The following PLD5 variants were observed in gnomAD, a reference collection of about 807,000 sequenced individuals.
PLD5 encodes the protein inactive phospholipase D5.
PLD5 carries 36 observed loss-of-function variants against 61.1 expected under a neutral mutation model. The observed-to-expected ratio is 0.59, with a 90% CI of 0.45 to 0.78. The LOEUF (loss-of-function observed/expected upper bound fraction) is 0.78, where lower values mean the gene tolerates loss of function less well. Ranked by LOEUF, PLD5 falls within the 30% of genes least tolerant of loss-of-function variation. The probability of loss-of-function intolerance (pLI) is 0.00; values close to 1 mark genes in which losing one functional copy is unlikely to be tolerated. For missense variants in PLD5, 515 were observed against 644.4 expected, an observed-to-expected ratio of 0.80 and a Z score of 2.17; for synonymous variants, 243 against 242.8, an observed-to-expected ratio of 1.00 and a Z score of -0.01.
At chr1:242,517,843 A>G (rs533895195) in intron 1 of PLD5, among the ~76,000 whole-genome samples, 39 of 152,314 alleles carry the variant, frequency 2.6e-4, no homozygotes, top group African/African-American at 9.1e-4. Flanking sequence ...TATCTTTCAC[A>G]TGAAAGACAC....
At chr1:242,348,834 C>T (rs996713723) in intron 1 of PLD5, among the ~76,000 whole-genome samples, 1 of 152,256 alleles carries the variant, frequency 6.6e-6, no homozygotes, top group Non-Finnish European at 1.5e-5. Flanking sequence ...GCGGGCAGAT[C>T]ATGAGGTCAG....
intron 5 of PLD5, among the ~76,000 whole-genome samples, chr1:242,175,901 G>A (rs953081746): frequency 3.9e-5 from 6 of 152,108 alleles, no homozygotes; most frequent in Non-Finnish European, 8.8e-5. Context: ...CCTCTTCAAG[G>A]AGAACTACAA....
At chr1:242,267,994 G>T (rs1160519505) in intron 3 of PLD5, among the ~76,000 whole-genome samples, 1 of 152,058 alleles carries the variant, frequency 6.6e-6, no homozygotes, top group Non-Finnish European at 1.5e-5. Flanking sequence ...GTGCTGATTT[G>T]CAGATTTTAG....
Position 242,408,978 on chromosome 1 carries a change from A to C in PLD5, c.190-60736T>G, listed in dbSNP as rs1461606575. Among the ~76,000 whole-genome samples, 7 of 152,184 alleles carry C rather than the reference A, an allele frequency of 4.6e-5. No homozygotes were observed. In the East Asian group the frequency reaches 1.4e-3, roughly 29 times the overall value. ...GCTACTCGGGAGGCTGAGGCAGGAGAATCACTTGAACCCAGGAGGCGAAGG... is the reference window on the plus strand; with the variant it reads ...GCTACTCGGGAGGCTGAGGCAGGAGCATCACTTGAACCCAGGAGGCGAAGG... On this transcript the variant is annotated intron_variant, in intron 1 of 9. Coordinates refer to ENST00000536534, the MANE Select transcript of PLD5 (RefSeq NM_001372062.1).
In PLD5 at chr1:242,381,059, A is replaced by G. The variant is rs576728869; in HGVS notation, c.190-32817T>C. 2.0e-5 allele frequency among the ~76,000 whole-genome samples: 3 copies of G among 152,326 alleles called. No individual in the cohort carries two copies. The South Asian group carries it at 6.2e-4, about 32-fold the overall frequency. On this transcript the variant is annotated intron_variant, in intron 1 of 9. Coordinates refer to ENST00000536534, the MANE Select transcript of PLD5 (RefSeq NM_001372062.1). ...AATCCCATTACTGGGTATATACTCA[A>G]AGGAATATAAATCATTCTATTATAA... is the stretch of plus-strand genomic sequence containing the variant.
At chr1:242,318,635 C>T (rs1847095) in intron 2 of PLD5, among the ~76,000 whole-genome samples, 115,940 of 148,040 alleles carry the variant, frequency 0.78, 45,402 homozygotes, top group Non-Finnish European at 0.85. Context: ...GATTTTATAA[C>T]TTTTTGGGGC....
chr1:242,325,746 T>C (rs1056019618), intron 2 of PLD5, among the ~76,000 whole-genome samples: 10 of 151,156 alleles, frequency 6.6e-5, no homozygotes, highest in African/African-American at 1.5e-4. Context: ...GTAATGAGAA[T>C]AGGCAGAAGA....
At chr1:242,300,756 AAGGGTTGCAGCGGGAG>A (rs1675992556) in intron 2 of PLD5, among the ~76,000 whole-genome samples, 1 of 5,242 alleles carries the variant, frequency 1.9e-4, no homozygotes, top group East Asian at 0.025. Context: ...GCAGCGGGAC[AAGGGTTGCAGCGGGAG>A]AACAATTAGA....
At chr1:242,247,225 G>A (rs1028699596) in intron 4 of PLD5, among the ~76,000 whole-genome samples, 14 of 152,198 alleles carry the variant, frequency 9.2e-5, no homozygotes, top group South Asian at 4.2e-4. Context: ...CTCGTGATCC[G>A]CCCGCCTCGG....
intron 2 of PLD5, among the ~76,000 whole-genome samples, chr1:242,331,876 C>T (rs1338922746): frequency 6.6e-6 from 1 of 152,018 alleles, no homozygotes; most frequent in Non-Finnish European, 1.5e-5. Flanking sequence ...CGGCAAAGTC[C>T]CTCACTTAGC....
chr1:242,260,336 G>A (rs545400636), intron 4 of PLD5, among the ~76,000 whole-genome samples: 3 of 144,126 alleles, frequency 2.1e-5, no homozygotes, highest in African/African-American at 7.5e-5. Flanking sequence ...GACAGAGTGA[G>A]ACTCCGTCTC....
In PLD5 at chr1:242,489,568, T is replaced by C. The variant is rs180788479; in HGVS notation, c.189+34520A>G. ...CTTCAGGAAATGGATTTGCAGGTGA[T>C]TTTTATTTTCTTCTGAAGACTTTTC... is the stretch of plus-strand genomic sequence containing the variant. On this transcript the variant is annotated intron_variant, in intron 1 of 9. Transcript: ENST00000536534. Among the ~76,000 whole-genome samples, 663 of 152,272 alleles carry C rather than the reference T, an allele frequency of 4.4e-3. 2 individuals carry two copies. The highest frequency in any genetic ancestry group is 9.1e-3 in the South Asian group (44 of 4,824).
chr1:242,297,490 G>C (rs1293378822), intron 2 of PLD5, among the ~76,000 whole-genome samples: 1 of 148,624 alleles, frequency 6.7e-6, no homozygotes, highest in African/African-American at 2.5e-5. Flanking sequence ...CTGCAGCCTT[G>C]AACTCCTGGG....
chr1:242,447,411 TG>T (rs1421313038), intron 1 of PLD5, among the ~76,000 whole-genome samples: 1 of 152,222 alleles, frequency 6.6e-6, no homozygotes, highest in African/African-American at 2.4e-5. Context: ...CTTTTCATCA[TG>T]GAAAGGATTT....
intron 1 of PLD5, among the ~76,000 whole-genome samples, chr1:242,370,454 C>T (rs904277082): frequency 1.3e-5 from 2 of 151,804 alleles, no homozygotes; most frequent in African/African-American, 4.8e-5. Context: ...GAGAGAGATG[C>T]AGACAGAATA....
chr1:242,399,351 A>C lies in PLD5; in HGVS notation c.190-51109T>G, dbSNP rs372049809. Among the ~76,000 whole-genome samples, 51 of 152,302 alleles carry C rather than the reference A, an allele frequency of 3.3e-4. No individual in the cohort carries two copies. In the East Asian group the frequency reaches 7.0e-3, roughly 21 times the overall value. Reference sequence around the variant, plus strand: ...CATGCATTCAACATAAACATGATCAAATCCAATTTATGCTTGAAAAAGATG... The same window carrying C: ...CATGCATTCAACATAAACATGATCACATCCAATTTATGCTTGAAAAAGATG... On this transcript the variant is annotated intron_variant, in intron 1 of 9. Coordinates refer to ENST00000536534, the MANE Select transcript of PLD5 (RefSeq NM_001372062.1).
At chr1:242,193,173 T>C (rs1668388878) in intron 5 of PLD5, among the ~76,000 whole-genome samples, 1 of 152,232 alleles carries the variant, frequency 6.6e-6, no homozygotes, top group Non-Finnish European at 1.5e-5. Flanking sequence ...ATACTGTAAG[T>C]TCACTCAAGG....
intron 5 of PLD5, among the ~76,000 whole-genome samples, chr1:242,194,676 A>G (rs1335575512): frequency 6.6e-6 from 1 of 151,524 alleles, no homozygotes; most frequent in African/African-American, 2.4e-5. Context: ...CTACCTATCT[A>G]TGATAGAATA....
At chr1:242,277,035 C>G (rs149398867) in intron 3 of PLD5, among the ~76,000 whole-genome samples, 11 of 152,196 alleles carry the variant, frequency 7.2e-5, no homozygotes, top group Middle Eastern at 3.4e-3. Flanking sequence ...GGCTGGTAAC[C>G]AGGCTCTCGG....
Sources: allele counts gnomAD v4.1 joint callset (sites outside exome capture counted in the v4.1 genomes callset), GRCh38; gene constraint gnomAD v4.1.1; transcripts MANE v1.5; gene names NCBI Gene and HGNC (gene_info 2026-07-23, HGNC 2026-07-21).